Variants in ANKRD12 observed in about 807,000 individuals in gnomAD.
The protein encoded by ANKRD12 is ankyrin repeat domain-containing protein 12.
A neutral mutation model predicts 183.4 loss-of-function variants in ANKRD12; 85 were observed. The observed-to-expected ratio is 0.46, with a 90% CI of 0.39 to 0.56. ANKRD12 has a LOEUF of 0.56. Among genes scored for constraint, ANKRD12 ranks in the 20% least tolerant of loss-of-function variants. The probability of loss-of-function intolerance (pLI) is 0.00; values close to 1 mark genes in which losing one functional copy is unlikely to be tolerated. For missense variants in ANKRD12, 2,405 were observed against 2,357.1 expected, an observed-to-expected ratio of 1.02 and a Z score of -0.42; for synonymous variants, 914 against 800.2, an observed-to-expected ratio of 1.14 and a Z score of -2.40.
intron 8 of ANKRD12, among the ~76,000 whole-genome samples, chr18:9,225,639 C>G (rs2036661468): frequency 6.6e-6 from 1 of 152,176 alleles, no homozygotes; most frequent in Non-Finnish European, 1.5e-5. Context: ...CTTTTAGCCA[C>G]TAATGATCTT....
At chr18:9,178,846 G>A (rs1460368850) in intron 1 of ANKRD12, among the ~76,000 whole-genome samples, 2 of 152,006 alleles carry the variant, frequency 1.3e-5, no homozygotes, top group Non-Finnish European at 2.9e-5. Flanking sequence ...TTTTGTATTT[G>A]TCATTGTACA....
chr18:9,197,918 T>C (rs1398955232), intron 3 of ANKRD12, among the ~76,000 whole-genome samples: 3 of 152,194 alleles, frequency 2.0e-5, no homozygotes, highest in Non-Finnish European at 4.4e-5. Context: ...TTATAAATTT[T>C]AGTAATAGAT....
At chr18:9,144,558 C>G (rs2078429463) in intron 1 of ANKRD12, among the ~76,000 whole-genome samples, 1 of 152,138 alleles carries the variant, frequency 6.6e-6, no homozygotes, top group African/African-American at 2.4e-5. Context: ...AACATGTAGT[C>G]TCACACTTGA....
chr18:9,167,193 A>C (rs913576560), intron 1 of ANKRD12, among the ~76,000 whole-genome samples: 2 of 152,134 alleles, frequency 1.3e-5, no homozygotes, highest in Non-Finnish European at 2.9e-5. Context: ...TTGACTTGGC[A>C]ATGCGGGCTC....
intron 10 of ANKRD12, among the ~76,000 whole-genome samples, chr18:9,269,135 A>G (rs536995473): frequency 2.5e-4 from 38 of 152,314 alleles, no homozygotes; most frequent in African/African-American, 7.9e-4. Context: ...ACAAACAAAT[A>G]GAAGAACATT....
intron 1 of ANKRD12, among the ~76,000 whole-genome samples, chr18:9,150,325 T>G (rs554484549): frequency 1.3e-5 from 2 of 152,302 alleles, no homozygotes; most frequent in Non-Finnish European, 1.5e-5. Context: ...ACCTGCCATC[T>G]CATGTATTAC....
chr18:9,175,550 T>TTTG (rs1428153611), intron 1 of ANKRD12, among the ~76,000 whole-genome samples: 1 of 144,484 alleles, frequency 6.9e-6, no homozygotes, highest in East Asian at 2.0e-4. Flanking sequence ...TTTTTTTTTT[T>TTTG]TGAGACAGTC....
At chr18:9,180,157 G>C (rs1342802918) in intron 1 of ANKRD12, among the ~76,000 whole-genome samples, 1 of 151,974 alleles carries the variant, frequency 6.6e-6, no homozygotes, top group Non-Finnish European at 1.5e-5. Flanking sequence ...GCATACATAT[G>C]TCAGATTGGT....
chr18:9,246,706 GTTAT>G, intron 8 of ANKRD12, among the ~76,000 whole-genome samples: 1 of 152,282 alleles, frequency 6.6e-6, no homozygotes, highest in East Asian at 1.9e-4. Context: ...TCAAAAGTAT[GTTAT>G]TTATAAGTTT....
intron 6 of ANKRD12, among the ~76,000 whole-genome samples, chr18:9,213,845 G>A (rs895859235): frequency 2.6e-5 from 4 of 151,720 alleles, no homozygotes; most frequent in Non-Finnish European, 5.9e-5. Context: ...ACAGAATAAA[G>A]CCCTTAAGAC....
chr18:9,195,642 G>T lies in ANKRD12; in HGVS notation c.179G>T (p.Arg60Leu). The T allele has an allele frequency of 6.2e-7, 1 of 1,612,884 alleles. No individual in the cohort carries two copies. The highest frequency in any genetic ancestry group is 1.3e-5 in the African/African-American group (1 of 74,930). The change falls in exon 3 of 13, where the codon CGT (arginine) becomes CTT (leucine). Residue 60 changes from arginine (R) to leucine (L), a missense_variant. This residue lies in a region of ANKRD12 where 145 missense variants were observed against 145.6 expected (regional missense o/e 1.00). Coordinates refer to ENST00000262126, the MANE Select transcript of ANKRD12 (RefSeq NM_015208.5). The stretch of plus-strand genomic sequence containing the variant: ...ATGAAAGAGAAATCATCCATGAAAC[G>T]TAAACTTCCTTTTACTATTAGCCCA... ...KEMKEKSSMK[R>L]KLPFTISPSR...
intron 2 of ANKRD12, among the ~76,000 whole-genome samples, chr18:9,194,762 C>A (rs968666966): frequency 1.3e-5 from 2 of 152,116 alleles, no homozygotes; most frequent in African/African-American, 4.8e-5. Flanking sequence ...TGGTTCTATT[C>A]AAAATATTTT....
intron 2 of ANKRD12, among the ~76,000 whole-genome samples, chr18:9,192,514 G>A (rs760994036): frequency 2.6e-5 from 4 of 151,910 alleles, no homozygotes; most frequent in Non-Finnish European, 5.9e-5. Flanking sequence ...CTGTTTTTTG[G>A]TATCAATTTC....
intron 3 of ANKRD12, 23 bp downstream of exon 3, chr18:9,195,721 G>C: frequency 6.3e-7 from 1 of 1,597,352 alleles, no homozygotes; most frequent in Non-Finnish European, 8.5e-7. Flanking sequence ...GCTGTTCTCT[G>C]GTAAAATCTT....
At chr18:9,162,093 G>A (rs2031500112) in intron 1 of ANKRD12, among the ~76,000 whole-genome samples, 2 of 152,038 alleles carry the variant, frequency 1.3e-5, no homozygotes, top group South Asian at 4.1e-4. Flanking sequence ...TTGTTACCTA[G>A]GTAAACATAT....
chr18:9,261,226 A>C (rs550767290), intron 9 of ANKRD12, among the ~76,000 whole-genome samples: 9 of 152,292 alleles, frequency 5.9e-5, no homozygotes, highest in African/African-American at 2.2e-4. Context: ...ACTTAACCCT[A>C]ACATGTTCTA....
At chr18:9,141,868 C>T (rs920020853) in intron 1 of ANKRD12, among the ~76,000 whole-genome samples, 8 of 152,114 alleles carry the variant, frequency 5.3e-5, no homozygotes, top group African/African-American at 1.7e-4. Flanking sequence ...TAAGATTAAT[C>T]TCTAATAATA....
intron 8 of ANKRD12, among the ~76,000 whole-genome samples, chr18:9,252,790 T>C (rs1567967326): frequency 6.6e-6 from 1 of 152,150 alleles, no homozygotes; most frequent in African/African-American, 2.4e-5. Context: ...TTTGTGAAAC[T>C]CCGTTTCTAC....
At chr18:9,158,963 G>T (rs996607668) in intron 1 of ANKRD12, among the ~76,000 whole-genome samples, 4 of 151,868 alleles carry the variant, frequency 2.6e-5, no homozygotes, top group African/African-American at 9.7e-5. Flanking sequence ...TTTTTTTCTG[G>T]CATTGTCTGT....
Sources: allele counts gnomAD v4.1 joint callset (sites outside exome capture counted in the v4.1 genomes callset), GRCh38; gene constraint gnomAD v4.1.1; regional missense constraint gnomAD v4.1.1; transcripts MANE v1.5; gene names NCBI Gene and HGNC (gene_info 2026-07-23, HGNC 2026-07-21).